HOXA10: variants seen among roughly 807,000 people sequenced by gnomAD.
HOXA10 encodes homeobox protein Hox-A10.
A neutral mutation model predicts 29.7 loss-of-function variants in HOXA10; 12 were observed. The ratio of observed to expected loss-of-function variants is 0.40; its 90% CI spans 0.26 to 0.65. HOXA10 has a LOEUF of 0.65. HOXA10 is among the 30% of genes least tolerant of loss of function. HOXA10 has a pLI of 0.37. For missense variants in HOXA10, 656 were observed against 585.9 expected (o/e 1.12, Z -1.24); for synonymous variants, 327 against 280.7 (o/e 1.16, Z -1.65).
Position 27,171,404 on chromosome 7 carries a change from C to G in HOXA10, c.*495G>C, listed in dbSNP as rs972759225. On this transcript the variant is annotated 3_prime_UTR_variant, in exon 2 of 2. Transcript: ENST00000283921. ...AAGAAAGAAAAAAGAAACCCAGGGG[C>G]CTGTATCCCCTGATTAAACACAGCA... is the stretch of plus-strand genomic sequence containing the variant. 5 of 455,018 alleles carry G rather than the reference C, an allele frequency of 1.1e-5. No homozygotes were observed. The highest frequency in any genetic ancestry group is 2.3e-5 in the Admixed American group (1 of 42,572). 28.2% of individuals were successfully genotyped at this position (455,018 alleles called of 1,614,324 possible). A position where few individuals can be genotyped will look rare whatever the true frequency, so the allele number is the denominator to read the frequency against.
chr7:27,175,758 C>G (rs1355125721), upstream of HOXA10, among the ~76,000 whole-genome samples: 1 of 152,222 alleles, frequency 6.6e-6, no homozygotes, highest in African/African-American at 2.4e-5. Flanking sequence ...CCTCCGGCCC[C>G]AGTCGGAGCT....
intron 1 of HOXA10, chr7:27,172,803 C>G (rs986049982): frequency 2.4e-5 from 4 of 163,412 alleles, no homozygotes; most frequent in African/African-American, 9.6e-5. Context: ...CCCCCCGCTT[C>G]CAGGCCGGAT....
rs754274142 is a variant in HOXA10, at chr7:27,174,235, G to A, written c.72C>T (p.Pro24=). The change falls in exon 1 of 2, where the codon CCC becomes CCT. Residue 24 remains proline, a synonymous_variant. Transcript: ENST00000283921. ...AGTCGACCAAAAAAGAGTTCGCGGC[G>A]GGGCTCTCCGAGCATGACATTGTTG... ...YPTTMSCSES[P]AANSFLVDSL... is the part of the protein sequence containing the mutation. 6.2e-7 allele frequency: 1 copy of A among 1,600,116 alleles called. No individual in the cohort carries two copies. Among genetic ancestry groups the A allele is most frequent in the African/African-American group, 1.3e-5 (1 of 74,912 alleles).
Position 27,173,334 on chromosome 7 carries a change from T to C in HOXA10, c.958+15A>G, listed in dbSNP as rs371230332. 1.3e-4 allele frequency: 208 copies of C among 1,611,672 alleles called. No individual in the cohort carries two copies. The highest frequency in any genetic ancestry group is 3.5e-4 in the Middle Eastern group (2 of 5,770). On this transcript the variant is annotated intron_variant, in intron 1 of 1. Transcript: ENST00000283921. ...GTCTGCCCGCCTGACTGCAGCCCTC[T>C]GCAGCCCTGCTTACCCAGGGAATCC...
chr7:27,176,965 C>G (rs1354644084), upstream of HOXA10, among the ~76,000 whole-genome samples: 1 of 152,174 alleles, frequency 6.6e-6, no homozygotes, highest in African/African-American at 2.4e-5. Flanking sequence ...TCCAGAGTCC[C>G]CCAGTGTCCT....
At chr7:27,172,998 C>T in intron 1 of HOXA10, 1 of 339,426 alleles carries the variant, frequency 2.9e-6, no homozygotes, top group Non-Finnish European at 5.4e-6. Flanking sequence ...CTCCCTCCCC[C>T]TCCCCCCGCG....
At chr7:27,175,549 C>T (rs1783639226), upstream of HOXA10, among the ~76,000 whole-genome samples, 1 of 152,218 alleles carries the variant, frequency 6.6e-6, no homozygotes, top group Non-Finnish European at 1.5e-5. Flanking sequence ...AGGTCAGGCC[C>T]TTTGCTCAGC....
At chr7:27,179,495 T>C in intron 1 of HOXA10, 2 of 664,838 alleles carry the variant, frequency 3.0e-6, no homozygotes, top group South Asian at 3.4e-5. Context: ...GGCCTCCCCC[T>C]GCTTTCCAAC....
chr7:27,174,563 G>A (rs1446401539), upstream of HOXA10: 2 of 588,396 alleles, frequency 3.4e-6, no homozygotes, highest in East Asian at 3.3e-5. Flanking sequence ...TGGCTGGTGG[G>A]GGGCCTGGCC....
intron 1 of HOXA10, chr7:27,172,457 T>A: frequency 1.9e-6 from 1 of 516,400 alleles, no homozygotes; most frequent in South Asian, 2.1e-5. Context: ...AGGAAAGGCC[T>A]GGGAGGGCAG....
rs763170850 is a variant in HOXA10, at chr7:27,171,839, A to C, written c.*60T>G. On this transcript the variant is annotated 3_prime_UTR_variant, in exon 2 of 2. Transcript: ENST00000283921. Reference sequence around the variant, plus strand: ...GGTGCGAGTTCCTGGGCAGAGCCTGAAGACAGAGGGAGGGGACCAGCGCTC... The same window carrying C: ...GGTGCGAGTTCCTGGGCAGAGCCTGCAGACAGAGGGAGGGGACCAGCGCTC... The C allele has an allele frequency of 6.4e-7, 1 of 1,574,466 alleles. No individual in the cohort carries two copies. The highest frequency in any genetic ancestry group is 8.7e-7 in the Non-Finnish European group (1 of 1,144,478).
At position 27,173,637 on chromosome 7, in the gene HOXA10, T is replaced by C. The variant is rs1446646308; in HGVS notation, c.670A>G (p.Lys224Glu). The C allele has an allele frequency of 2.6e-6, 4 of 1,544,552 alleles. No homozygotes were observed. Among genetic ancestry groups the C allele is most frequent in the Non-Finnish European group, 2.6e-6 (3 of 1,144,772 alleles). ...CCGCCGCCGCCGCTGCCATAGCCCT[T>C]GGCGGTGCCGTAGGCCTGAGAAAGG... ...FRLSQAYGTA[K>E]GYGSGGGGAQ... Residue 224 changes from lysine (K) to glutamate (E), a missense_variant, in exon 1 of 2, where the codon AAG becomes GAG. This residue lies in a region of HOXA10 where 594 missense variants were observed against 491.9 expected (regional missense o/e 1.21). Coordinates refer to ENST00000283921, the MANE Select transcript of HOXA10 (RefSeq NM_018951.4).
chr7:27,170,668 T>C lies in HOXA10; in HGVS notation c.*1231A>G, dbSNP rs1015446625. On this transcript the variant is annotated 3_prime_UTR_variant, in exon 2 of 2. Transcript: ENST00000283921. ...CGTCTTTTTCCACGCACAGCAGCAA[T>C]ACAATATTAATTTATTCTGATTTAA... 7.5e-6 allele frequency: 3 copies of C among 399,716 alleles called. No homozygotes were observed. Among genetic ancestry groups the C allele is most frequent in the African/African-American group, 2.1e-5 (1 of 47,484 alleles). The allele number at this position is 399,716 out of a possible 1,614,324, so 24.8% of individuals were successfully genotyped here.
In HOXA10 at chr7:27,174,056, A is replaced by G. The variant is rs774373521; in HGVS notation, c.251T>C (p.Leu84Pro). Residue 84 changes from leucine to proline, a missense_variant, in exon 1 of 2, where the codon CTG becomes CCG. This residue lies in a region of HOXA10 where 594 missense variants were observed against 491.9 expected (regional missense o/e 1.21). Coordinates refer to ENST00000283921, the MANE Select transcript of HOXA10 (RefSeq NM_018951.4). ...CGCTGCCTCATTGCGCTTGCCGCCC[A>G]GCGTGGGGAAGAGCCCGCAGCTCTG... ...GLQSCGLFPT[L>P]GGKRNEAASP... 26 of 1,546,194 alleles carry G rather than the reference A, an allele frequency of 1.7e-5. No individual in the cohort carries two copies. The East Asian group carries it at 4.5e-4, about 27-fold the overall frequency.
rs1036699794 is a variant in HOXA10 at position 27,171,185 on chromosome 7, C to G, written c.*714G>C. 3 of 453,870 alleles carry G rather than the reference C, an allele frequency of 6.6e-6. No individual in the cohort carries two copies. Among genetic ancestry groups the G allele is most frequent in the Non-Finnish European group, 1.3e-5 (3 of 226,726 alleles). 28.1% of individuals were successfully genotyped at this position (453,870 alleles called of 1,614,324 possible). ...TTTAGTCAGGCAATGTAAGACCTTACAGAAACTGGAAGAGAAGTCCCCTTC... is the reference window on the plus strand; with the variant it reads ...TTTAGTCAGGCAATGTAAGACCTTAGAGAAACTGGAAGAGAAGTCCCCTTC... On this transcript the variant is annotated 3_prime_UTR_variant, in exon 2 of 2. Transcript: ENST00000283921.
At chr7:27,177,188 C>T (rs954494831), upstream of HOXA10, among the ~76,000 whole-genome samples, 2 of 152,244 alleles carry the variant, frequency 1.3e-5, no homozygotes, top group Admixed American at 1.3e-4. Flanking sequence ...AGCTGGGAGG[C>T]CTGCTATGGG....
upstream of HOXA10, chr7:27,174,733 C>T (rs751782756): frequency 5.3e-5 from 11 of 209,082 alleles, no homozygotes; most frequent in Admixed American, 1.1e-4. Flanking sequence ...CACTAGTCCC[C>T]GGTGTACTCT....
chr7:27,173,415 C>A lies in HOXA10; in HGVS notation c.892G>T (p.Ala298Ser). The A allele has an allele frequency of 6.2e-7, 1 of 1,608,850 alleles. No homozygotes were observed. The highest frequency in any genetic ancestry group is 8.5e-7 in the Non-Finnish European group (1 of 1,178,978). The change falls in exon 1 of 2, where the codon GCC becomes TCC. Residue 298 changes from alanine (A) to serine (S), a missense_variant. This residue lies in a region of HOXA10 where 594 missense variants were observed against 491.9 expected (regional missense o/e 1.21). Coordinates refer to ENST00000283921, the MANE Select transcript of HOXA10 (RefSeq NM_018951.4). ...GGGGCCGGGGAGAGCTCCTCCGCGGCCGAGGACGACGCGTGCGCCTCCTCG... is the reference window on the plus strand; with the variant it reads ...GGGGCCGGGGAGAGCTCCTCCGCGGACGAGGACGACGCGTGCGCCTCCTCG... ...GDEEAHASSS[A>S]AEELSPAPSE...
chr7:27,173,138 G>A (rs1262637122), intron 1 of HOXA10, among the ~76,000 whole-genome samples: 1 of 152,242 alleles, frequency 6.6e-6, no homozygotes, highest in African/African-American at 2.4e-5. Context: ...GGCCAGCGCC[G>A]AGGACGTCTT....
Sources: gnomAD v4.1 joint callset for allele counts (sites outside exome capture counted in the v4.1 genomes callset) on GRCh38, gnomAD v4.1.1 for gene constraint, gnomAD v4.1.1 regional missense constraint, MANE v1.5 for transcripts, NCBI Gene and HGNC (gene_info 2026-07-23, HGNC 2026-07-21) for gene names.